The following COX15 variants were observed in gnomAD, a reference collection of about 807,000 sequenced individuals.
COX15 encodes the protein cytochrome c oxidase assembly factor COX15.
Under a neutral mutation model 51.9 loss-of-function variants are expected in COX15, and 51 were observed. The ratio of observed to expected loss-of-function variants is 0.98; its 90% CI spans 0.78 to 1.24. The LOEUF is 1.24. Ranked by LOEUF, COX15 falls within the 50% of genes most tolerant of loss-of-function variation. The probability of loss-of-function intolerance (pLI) is 0.00; values close to 1 mark genes in which losing one functional copy is unlikely to be tolerated. For missense variants in COX15, 420 were observed against 501.1 expected, an observed-to-expected ratio of 0.84 and a Z score of 1.55; for synonymous variants, 188 against 190.5, an observed-to-expected ratio of 0.99 and a Z score of 0.11.
chr10:99,724,243 C>T (rs1564648517), intron 4 of COX15, 120 bp from the exon 5 acceptor site: 3 of 1,159,872 alleles, frequency 2.6e-6, no homozygotes, highest in East Asian at 2.6e-5. Flanking sequence ...AGTGCAGTGG[C>T]GGGATCTTGG....
chr10:99,727,951 G>A (rs2037014733), intron 2 of COX15, among the ~76,000 whole-genome samples: 1 of 152,010 alleles, frequency 6.6e-6, no homozygotes, highest in Non-Finnish European at 1.5e-5. Context: ...TTAGATTCTT[G>A]GGTGAATTTA....
chr10:99,714,858 A>G, intron 8 of COX15, 140 bp from the exon 9 acceptor site: 1 of 1,450,954 alleles, frequency 6.9e-7, no homozygotes, highest in South Asian at 1.2e-5. Flanking sequence ...TAATTTCACA[A>G]GCAAATATGC....
rs1378621661 is a variant in COX15 at position 99,714,279 on chromosome 10, A to C, written c.*308T>G. 1 of 1,199,960 alleles carries C rather than the reference A, an allele frequency of 8.3e-7. No individual in the cohort carries two copies. The highest frequency in any genetic ancestry group is 1.1e-6 in the Non-Finnish European group (1 of 951,382). 74.3% of individuals were successfully genotyped at this position (1,199,960 alleles called of 1,614,324 possible). A position where few individuals can be genotyped will look rare whatever the true frequency, so the allele number is the denominator to read the frequency against. ...CGTAGAAATCATCCACGTAGAACCAAGAGCTTGCCAACACTGAAAAACCTG... is the reference window on the plus strand; with the variant it reads ...CGTAGAAATCATCCACGTAGAACCACGAGCTTGCCAACACTGAAAAACCTG... On this transcript the variant is annotated 3_prime_UTR_variant, in exon 9 of 9. Coordinates refer to ENST00000016171, the MANE Select transcript of COX15 (RefSeq NM_078470.6).
intron 5 of COX15, 38 bp from the exon 6 acceptor site, chr10:99,721,106 G>A: frequency 6.5e-7 from 1 of 1,546,278 alleles, no homozygotes; most frequent in South Asian, 1.2e-5. Context: ...AAACTGTGTT[G>A]CAGGAACAAT....
chr10:99,724,460 G>A (rs995509480), intron 4 of COX15, among the ~76,000 whole-genome samples: 1 of 152,106 alleles, frequency 6.6e-6, no homozygotes. Context: ...TATTACAGGC[G>A]TAAGCCACCA....
chr10:99,703,685 T>C, the COX15 span, among the ~76,000 whole-genome samples: 1 of 152,170 alleles, frequency 6.6e-6, no homozygotes, highest in African/African-American at 2.4e-5. Context: ...TATTTAGATA[T>C]ATCCTAGATC....
At chr10:99,710,640 C>G, downstream of COX15, 1 of 985,322 alleles carries the variant, frequency 1.0e-6, no homozygotes, top group Non-Finnish European at 1.2e-6. Flanking sequence ...ATGCATTCTC[C>G]CTTATGCAGG....
Position 99,714,173 on chromosome 10 carries a change from C to T in COX15, c.*414G>A, listed in dbSNP as rs544383972. The T allele has an allele frequency of 1.2e-5, 13 of 1,051,906 alleles. No individual in the cohort carries two copies. In the South Asian group the frequency reaches 3.8e-4, roughly 31 times the overall value. The allele number at this position is 1,051,906 out of a possible 1,614,324, so 65.2% of individuals were successfully genotyped here. ...TTTGGGTATGTCAATCCTATCCTTT[C>T]AATCTTCACCTAATGGAAGTGAAGT... On this transcript the variant is annotated 3_prime_UTR_variant, in exon 9 of 9. Coordinates refer to ENST00000016171, the MANE Select transcript of COX15 (RefSeq NM_078470.6).
chr10:99,730,585 C>CG (rs1554842115), intron 1 of COX15, among the ~76,000 whole-genome samples: 1 of 149,276 alleles, frequency 6.7e-6, no homozygotes, highest in African/African-American at 2.5e-5. Context: ...CTCCATCTCT[C>CG]AAAAAAAAAA....
chr10:99,731,842 G>T, intron 1 of COX15, 118 bp downstream of exon 1: 2 of 1,306,962 alleles, frequency 1.5e-6, no homozygotes, highest in South Asian at 1.3e-5. Flanking sequence ...GAACCTATGC[G>T]TTGTGAGTGC....
chr10:99,697,925 A>G, the COX15 span: 1 of 154,630 alleles, frequency 6.5e-6, no homozygotes, highest in African/African-American at 2.4e-5. Context: ...TAAACTCAAA[A>G]TAACTGGACC....
At position 99,714,468 on chromosome 10, in the gene COX15, T is replaced by C. The variant is rs552769230; in HGVS notation, c.*119A>G. The C allele has an allele frequency of 9.5e-5, 149 of 1,566,276 alleles. No individual in the cohort carries two copies. Among genetic ancestry groups the C allele is most frequent in the Non-Finnish European group, 1.2e-4 (139 of 1,159,552 alleles). On this transcript the variant is annotated 3_prime_UTR_variant, in exon 9 of 9. Coordinates refer to ENST00000016171, the MANE Select transcript of COX15 (RefSeq NM_078470.6). Reference sequence around the variant, plus strand: ...AAACAGGAAAAGATTTTTAAGTAAGTTGACCATTTGGAAACCACTTGGTAT... The same window carrying C: ...AAACAGGAAAAGATTTTTAAGTAAGCTGACCATTTGGAAACCACTTGGTAT...
At chr10:99,695,454 G>C in the COX15 span, among the ~76,000 whole-genome samples, 1 of 151,942 alleles carries the variant, frequency 6.6e-6, no homozygotes, top group African/African-American at 2.4e-5. Context: ...CCCGGGAGGC[G>C]GAGGTTGCAG....
Position 99,714,044 on chromosome 10 carries a change from A to G in COX15, c.*543T>C, listed in dbSNP as rs1332216232. The G allele has an allele frequency of 2.0e-6, 2 of 1,010,760 alleles. No homozygotes were observed. Among genetic ancestry groups the G allele is most frequent in the Non-Finnish European group, 2.4e-6 (2 of 845,150 alleles). 62.6% of individuals were successfully genotyped at this position (1,010,760 alleles called of 1,614,324 possible). On this transcript the variant is annotated 3_prime_UTR_variant, in exon 9 of 9. Coordinates refer to ENST00000016171, the MANE Select transcript of COX15 (RefSeq NM_078470.6). The stretch of plus-strand genomic sequence containing the variant: ...AAGTACTTAAAAACCATTTTGCTAC[A>G]TATACACATTAAGCTTGTCAAAATC...
chr10:99,721,415 C>T (rs530514748), intron 5 of COX15, among the ~76,000 whole-genome samples: 317 of 152,240 alleles, frequency 2.1e-3, no homozygotes, highest in South Asian at 4.8e-3. Flanking sequence ...TGCTTCATCA[C>T]GGTTGAAAGG....
intron 1 of COX15, among the ~76,000 whole-genome samples, 173 bp downstream of exon 1, chr10:99,731,782 TACCAC>T (rs1303933838): frequency 9.2e-5 from 14 of 151,988 alleles, no homozygotes; most frequent in Admixed American, 9.2e-4. Context: ...ACTTGGCCAA[TACCAC>T]ACAGCAGGTC....
the COX15 span, chr10:99,702,613 A>T: frequency 7.4e-6 from 12 of 1,613,786 alleles, no homozygotes; most frequent in South Asian, 1.1e-4. Context: ...CTGGTGTATG[A>T]CCGAGAGGTT....
At chr10:99,718,597 C>A in intron 6 of COX15, 97 bp from the exon 7 acceptor site, 1 of 1,263,816 alleles carries the variant, frequency 7.9e-7, no homozygotes, top group East Asian at 2.3e-5. Context: ...CAGAGTTAAA[C>A]TAAGGGAACA....
At chr10:99,722,451 T>A (rs1418326336) in intron 5 of COX15, among the ~76,000 whole-genome samples, 1 of 152,108 alleles carries the variant, frequency 6.6e-6, no homozygotes, top group Non-Finnish European at 1.5e-5. Flanking sequence ...GAATAGATTG[T>A]CAGGAAGCAG....
Sources: allele counts gnomAD v4.1 joint callset (sites outside exome capture counted in the v4.1 genomes callset), GRCh38; gene constraint gnomAD v4.1.1; transcripts MANE v1.5; gene names NCBI Gene and HGNC (gene_info 2026-07-23, HGNC 2026-07-21).